Variants in VWA3B observed in about 807,000 individuals in gnomAD.
The protein encoded by VWA3B is von Willebrand factor A domain containing 3B.
Under a neutral mutation model 158.3 loss-of-function variants are expected in VWA3B, and 138 were observed. The ratio of observed to expected loss-of-function variants is 0.87; its 90% CI spans 0.76 to 1.00. The LOEUF is 1.00. Ranked by LOEUF, VWA3B falls within the 50% of genes least tolerant of loss-of-function variation. The pLI is 0.00. For missense variants in VWA3B, 1,555 were observed against 1,565.1 expected (o/e 0.99, Z 0.11); for synonymous variants, 596 against 587.3 (o/e 1.01, Z -0.21).
chr2:98,176,043 C>T (rs984846340), intron 8 of VWA3B, among the ~76,000 whole-genome samples: 8 of 152,168 alleles, frequency 5.3e-5, no homozygotes, highest in Non-Finnish European at 1.2e-4. Context: ...CCACCTGGCT[C>T]CCGGATCTCA....
At chr2:98,164,667 T>C (rs1483201157) in intron 8 of VWA3B, among the ~76,000 whole-genome samples, 1 of 152,224 alleles carries the variant, frequency 6.6e-6, no homozygotes, top group Non-Finnish European at 1.5e-5. Context: ...GCAGTGAGGC[T>C]GTACTCATCT....
At chr2:98,155,473 T>C (rs1677987799) in intron 7 of VWA3B, among the ~76,000 whole-genome samples, 2 of 152,284 alleles carry the variant, frequency 1.3e-5, no homozygotes, top group South Asian at 4.1e-4. Context: ...TCACCACTTA[T>C]TAGTTGTGTG....
At chr2:98,285,280 C>T (rs114202949) in intron 22 of VWA3B, among the ~76,000 whole-genome samples, 262 of 152,200 alleles carry the variant, frequency 1.7e-3, no homozygotes, top group East Asian at 5.2e-3. Context: ...TATAAATAAA[C>T]GGCTGGATAA....
intron 21 of VWA3B, among the ~76,000 whole-genome samples, chr2:98,257,344 A>G (rs773254834): frequency 2.0e-5 from 3 of 151,970 alleles, no homozygotes; most frequent in Non-Finnish European, 2.9e-5. Context: ...TTGTGTATAT[A>G]TACCACATTT....
At chr2:98,317,366 G>T (rs1691110229), downstream of VWA3B, among the ~76,000 whole-genome samples, 1 of 152,106 alleles carries the variant, frequency 6.6e-6, no homozygotes, top group African/African-American at 2.4e-5. Context: ...TTCCTCCTAG[G>T]CCAGAGCACT....
At chr2:98,212,537 C>T (rs1031250556) in intron 13 of VWA3B, among the ~76,000 whole-genome samples, 2 of 152,170 alleles carry the variant, frequency 1.3e-5, no homozygotes, top group African/African-American at 4.8e-5. Context: ...TGTTCATCTT[C>T]TTTTGAGCTT....
intron 2 of VWA3B, among the ~76,000 whole-genome samples, chr2:98,096,339 G>T (rs1328159434): frequency 3.3e-5 from 5 of 152,126 alleles, no homozygotes; most frequent in Non-Finnish European, 7.4e-5. Flanking sequence ...CACGATTTTG[G>T]CTCACTGCAA....
At position 98,194,420 on chromosome 2, in the gene VWA3B, T is replaced by A; in HGVS notation, c.1665T>A (p.Ala555=). ...TGAAGTTTGATGGTCAAGCAGTTGC[T>A]TGGCGGGAACAACTTGCTGAAGTCA... The part of the protein sequence containing the change: ...NFVKFDGQAV[A]WREQLAEVNE... Residue 555 remains alanine, a synonymous_variant, in exon 12 of 28, where the codon GCT becomes GCA. Transcript: ENST00000477737. 1 of 1,614,160 alleles carries A rather than the reference T, an allele frequency of 6.2e-7. No individual in the cohort carries two copies. Among genetic ancestry groups the A allele is most frequent in the East Asian group, 2.2e-5 (1 of 44,878 alleles).
At chr2:98,108,102 A>G (rs1323970495) in intron 2 of VWA3B, among the ~76,000 whole-genome samples, 4 of 151,978 alleles carry the variant, frequency 2.6e-5, no homozygotes, top group Non-Finnish European at 5.9e-5. Context: ...TTTCATCAAG[A>G]CTTCCTCTTT....
intron 22 of VWA3B, among the ~76,000 whole-genome samples, chr2:98,278,669 C>T (rs754992896): frequency 2.0e-4 from 30 of 152,136 alleles, no homozygotes; most frequent in Non-Finnish European, 2.5e-4. Flanking sequence ...TGCTTCTCAA[C>T]GACGTCAGGC....
At chr2:98,168,284 A>G (rs1004388042) in intron 8 of VWA3B, among the ~76,000 whole-genome samples, 2 of 151,904 alleles carry the variant, frequency 1.3e-5, no homozygotes, top group Admixed American at 6.6e-5. Flanking sequence ...AAGGTCTTGG[A>G]TGTTATTCCT....
intron 26 of VWA3B, among the ~76,000 whole-genome samples, chr2:98,309,561 AT>A (rs1379770880): frequency 6.6e-6 from 1 of 152,170 alleles, no homozygotes; most frequent in Non-Finnish European, 1.5e-5. Flanking sequence ...CCATGAAGCC[AT>A]TGGATTTGGG....
chr2:98,220,354 T>TA (rs573411864), intron 14 of VWA3B, among the ~76,000 whole-genome samples: 10 of 151,422 alleles, frequency 6.6e-5, no homozygotes, highest in African/African-American at 9.7e-5. Flanking sequence ...GGTAAATATG[T>TA]AAAAAAAAAT....
chr2:98,321,497 CT>C, the VWA3B span, among the ~76,000 whole-genome samples: 3 of 152,224 alleles, frequency 2.0e-5, no homozygotes, highest in Non-Finnish European at 4.4e-5. Flanking sequence ...AAAAGTCCCC[CT>C]TGTGGCAGAG....
chr2:98,236,128 G>A (rs1216667802), intron 17 of VWA3B, among the ~76,000 whole-genome samples: 1 of 152,206 alleles, frequency 6.6e-6, no homozygotes, highest in Non-Finnish European at 1.5e-5. Flanking sequence ...TTAGAGGTGT[G>A]TTTTCTGAAT....
intron 2 of VWA3B, among the ~76,000 whole-genome samples, chr2:98,108,283 G>A (rs1381975228): frequency 6.6e-6 from 1 of 152,142 alleles, no homozygotes; most frequent in Middle Eastern, 3.2e-3. Flanking sequence ...CCAAATATGT[G>A]CTTTGTTTTG....
At chr2:98,200,216 G>A (rs1682413822) in intron 12 of VWA3B, among the ~76,000 whole-genome samples, 1 of 152,002 alleles carries the variant, frequency 6.6e-6, no homozygotes, top group African/African-American at 2.4e-5. Context: ...TCTTAAGATT[G>A]AGTTTCTTCA....
chr2:98,111,297 G>C (rs760805878), intron 2 of VWA3B, among the ~76,000 whole-genome samples: 3 of 152,160 alleles, frequency 2.0e-5, no homozygotes, highest in Non-Finnish European at 2.9e-5. Flanking sequence ...TGGATGAGTA[G>C]TATTCCATAG....
At chr2:98,211,872 T>A in intron 12 of VWA3B, 58 bp from the exon 13 acceptor site, 1 of 1,443,192 alleles carries the variant, frequency 6.9e-7, no homozygotes, top group Non-Finnish European at 9.6e-7. Flanking sequence ...AATAAATACT[T>A]GTTTGTGAAT....
Sources: gnomAD v4.1 joint callset for allele counts (sites outside exome capture counted in the v4.1 genomes callset) on GRCh38, gnomAD v4.1.1 for gene constraint, MANE v1.5 for transcripts, NCBI Gene and HGNC (gene_info 2026-07-23, HGNC 2026-07-21) for gene names.